DLG2: variants seen among roughly 807,000 people sequenced by gnomAD.
DLG2 encodes disks large homolog 2.
DLG2 carries 45 observed loss-of-function variants against 132.5 expected under a neutral mutation model. The ratio of observed to expected loss-of-function variants is 0.34; its 90% confidence interval spans 0.27 to 0.44. The LOEUF (loss-of-function observed/expected upper bound fraction) is 0.44. Among genes scored for constraint, DLG2 ranks in the 20% least tolerant of loss-of-function variants. DLG2 has a pLI of 1.00. For synonymous variants in DLG2, 424 were observed against 419.6 expected (o/e 1.01, Z -0.13); for missense variants, 1,045 against 1,196.9 (o/e 0.87, Z 1.87).
intron 16 of DLG2, among the ~76,000 whole-genome samples, 157 bp downstream of exon 16, chr11:83,874,263 A>AGAGG (rs2064155674): frequency 8.4e-5 from 12 of 142,642 alleles, no homozygotes; most frequent in African/African-American, 1.8e-4. Flanking sequence ...AAGGAAGGAA[A>AGAGG]GAAGGAAGGA....
chr11:83,620,772 A>AG (rs1224300708), intron 19 of DLG2, among the ~76,000 whole-genome samples: 1 of 143,840 alleles, frequency 7.0e-6, no homozygotes, highest in Non-Finnish European at 1.5e-5. Flanking sequence ...TGGGAGGCTG[A>AG]GGCAGGAGAA....
At chr11:84,896,405 G>A (rs905628092) in intron 6 of DLG2, among the ~76,000 whole-genome samples, 3 of 151,968 alleles carry the variant, frequency 2.0e-5, no homozygotes, top group Non-Finnish European at 2.9e-5. Flanking sequence ...TATTTCCCAC[G>A]ATGTTGTTGA....
chr11:84,535,954 C>CATATATAT (rs778920932), intron 6 of DLG2, among the ~76,000 whole-genome samples: 1 of 144,348 alleles, frequency 6.9e-6, no homozygotes, highest in Non-Finnish European at 1.5e-5. Flanking sequence ...TTTTCATATA[C>CATATATAT]ATATATATAT....
At chr11:83,587,089 T>C (rs560711962) in intron 19 of DLG2, among the ~76,000 whole-genome samples, 7 of 152,332 alleles carry the variant, frequency 4.6e-5, no homozygotes, top group African/African-American at 1.7e-4. Flanking sequence ...GAAATGATCT[T>C]TGTAAAGTGC....
At chr11:85,566,155 G>GA (rs577087969) in intron 3 of DLG2, among the ~76,000 whole-genome samples, 62 of 152,114 alleles carry the variant, frequency 4.1e-4, no homozygotes, top group Non-Finnish European at 7.4e-4. Flanking sequence ...ATCTTTTTAG[G>GA]AAAAATGTCT....
chr11:85,394,394 G>A (rs1298446175), intron 3 of DLG2, among the ~76,000 whole-genome samples: 1 of 152,174 alleles, frequency 6.6e-6, no homozygotes, highest in Non-Finnish European at 1.5e-5. Context: ...CATGGCAATA[G>A]CCACTTTCAG....
chr11:83,927,419 A>C (rs2079180340), intron 15 of DLG2, among the ~76,000 whole-genome samples: 1 of 152,176 alleles, frequency 6.6e-6, no homozygotes, highest in African/African-American at 2.4e-5. Context: ...AAGACGTGCA[A>C]TTTAAGCTTG....
At chr11:84,804,462 T>C (rs1318142159) in intron 6 of DLG2, among the ~76,000 whole-genome samples, 1 of 152,148 alleles carries the variant, frequency 6.6e-6, no homozygotes, top group Non-Finnish European at 1.5e-5. Context: ...CCCCTGGGCA[T>C]TATATATAAA....
At chr11:83,920,523 A>G (rs2077677731) in intron 15 of DLG2, among the ~76,000 whole-genome samples, 1 of 152,166 alleles carries the variant, frequency 6.6e-6, no homozygotes, top group Non-Finnish European at 1.5e-5. Flanking sequence ...TTATGAATGG[A>G]AACAGTCTTT....
At chr11:84,435,965 T>C (rs888002767) in intron 7 of DLG2, among the ~76,000 whole-genome samples, 2 of 152,108 alleles carry the variant, frequency 1.3e-5, no homozygotes, top group African/African-American at 2.4e-5. Context: ...ATAATTTTTA[T>C]AGGAAGAAAG....
At chr11:85,414,107 C>T (rs977408752) in intron 3 of DLG2, among the ~76,000 whole-genome samples, 22 of 152,058 alleles carry the variant, frequency 1.4e-4, no homozygotes, top group African/African-American at 5.3e-4. Flanking sequence ...TTGTAGAGGC[C>T]TTTCACCTCC....
intron 6 of DLG2, among the ~76,000 whole-genome samples, chr11:84,836,937 G>A (rs1272076529): frequency 1.3e-5 from 2 of 151,684 alleles, no homozygotes; most frequent in East Asian, 3.9e-4. Context: ...GTATACATGT[G>A]CCATGTTGGT....
In DLG2 at chr11:85,021,604, C is replaced by T. The variant is rs540599421; in HGVS notation, c.357+90057G>A. ...AGTGTTGAGATTCCCAGTGAACACACGGGAGTTCATGGAGCGAGGATCTGT... is the reference window on the plus strand; with the variant it reads ...AGTGTTGAGATTCCCAGTGAACACATGGGAGTTCATGGAGCGAGGATCTGT... On this transcript the variant is annotated intron_variant, in intron 6 of 27. Coordinates refer to ENST00000376104, the MANE Select transcript of DLG2 (RefSeq NM_001142699.3). 28 of 1,422,758 alleles carry T rather than the reference C, an allele frequency of 2.0e-5. No individual in the cohort carries two copies. The African/African-American group carries it at 2.9e-4, about 15-fold the overall frequency. 88.1% of individuals were successfully genotyped at this position (1,422,758 alleles called of 1,614,324 possible).
chr11:84,632,052 C>T (rs932469209), intron 6 of DLG2, among the ~76,000 whole-genome samples: 19 of 152,258 alleles, frequency 1.2e-4, no homozygotes, highest in African/African-American at 4.6e-4. Context: ...TTGCCTGAAC[C>T]AGTGAGAGGA....
chr11:83,857,933 T>A (rs1040158622), intron 16 of DLG2, among the ~76,000 whole-genome samples: 34 of 152,098 alleles, frequency 2.2e-4, no homozygotes, highest in African/African-American at 8.2e-4. Flanking sequence ...GGTAAAATAG[T>A]AGGCACAAAG....
intron 18 of DLG2, among the ~76,000 whole-genome samples, chr11:83,639,923 T>A (rs1217783341): frequency 6.6e-6 from 1 of 152,142 alleles, no homozygotes; most frequent in Non-Finnish European, 1.5e-5. Flanking sequence ...CATCACAAAG[T>A]GGTTGTGAGA....
intron 9 of DLG2, among the ~76,000 whole-genome samples, chr11:84,099,417 A>G (rs75022690): frequency 0.011 from 1,650 of 152,200 alleles, 31 homozygotes; most frequent in African/African-American, 0.037. Context: ...GGAAGAAAAA[A>G]GTTACATGAA....
At chr11:85,186,499 T>A (rs2080110432) in intron 4 of DLG2, among the ~76,000 whole-genome samples, 1 of 152,088 alleles carries the variant, frequency 6.6e-6, no homozygotes, top group Non-Finnish European at 1.5e-5. Context: ...TTTTGTGGAA[T>A]GAATAAATAA....
At chr11:83,742,210 A>AAC (rs67195725) in intron 18 of DLG2, among the ~76,000 whole-genome samples, 55,881 of 146,888 alleles carry the variant, frequency 0.38, 10,374 homozygotes, top group Middle Eastern at 0.45. Context: ...CCACACTTTT[A>AAC]ACACACACAC....
Sources: allele counts gnomAD v4.1 joint callset (sites outside exome capture counted in the v4.1 genomes callset), GRCh38; gene constraint gnomAD v4.1.1; transcripts MANE v1.5; gene names NCBI Gene and HGNC (gene_info 2026-07-23, HGNC 2026-07-21).